Variants in RUSC2 observed in about 807,000 individuals in gnomAD.
The protein encoded by RUSC2 is AP-4 complex accessory subunit RUSC2.
Under a neutral mutation model 122.2 loss-of-function variants are expected in RUSC2, and 34 were observed. The observed-to-expected ratio is 0.28, with a 90% CI of 0.21 to 0.37. The LOEUF (loss-of-function observed/expected upper bound fraction) is 0.37. Among genes scored for constraint, RUSC2 ranks in the 10% least tolerant of loss-of-function variants. The probability of loss-of-function intolerance (pLI) is 1.00; values close to 1 mark genes in which losing one functional copy is unlikely to be tolerated. For missense variants in RUSC2, 1,747 were observed against 1,952.4 expected (o/e 0.89, Z 1.98); for synonymous variants, 784 against 790.0 (o/e 0.99, Z 0.13).
intron 1 of RUSC2, among the ~76,000 whole-genome samples, chr9:35,492,899 G>C (rs372898540): frequency 6.6e-6 from 1 of 152,122 alleles, no homozygotes; most frequent in South Asian, 2.1e-4. Context: ...ACTACTGGGG[G>C]TACCTCATAT....
At chr9:35,542,786 C>T (rs1028238410) in intron 1 of RUSC2, among the ~76,000 whole-genome samples, 3 of 152,206 alleles carry the variant, frequency 2.0e-5, no homozygotes, top group Admixed American at 6.5e-5. Context: ...CGTCATCTCC[C>T]ACGCTCATGT....
At position 35,560,349 on chromosome 9, in the gene RUSC2, G is replaced by T; in HGVS notation, c.3709G>T (p.Gly1237Cys). ...ERVKGVGASE[G>C]GEEEEEEEET... Reference sequence around the variant, plus strand: ...GGTGAAGGGTGTGGGTGCCTCAGAAGGTGGAGAAGAGGAAGAGGAAGAAGA... The same window carrying T: ...GGTGAAGGGTGTGGGTGCCTCAGAATGTGGAGAAGAGGAAGAGGAAGAAGA... The change falls in exon 10 of 12, where the codon GGT becomes TGT. Residue 1237 changes from glycine to cysteine, a missense_variant. Coordinates refer to ENST00000361226, the MANE Select transcript of RUSC2 (RefSeq NM_014806.5). 7 of 1,611,690 alleles carry T rather than the reference G, an allele frequency of 4.3e-6. No individual in the cohort carries two copies. Among genetic ancestry groups the T allele is most frequent in the Non-Finnish European group, 5.9e-6 (7 of 1,178,670 alleles).
chr9:35,537,794 C>G (rs1821558665), intron 1 of RUSC2, among the ~76,000 whole-genome samples: 1 of 152,144 alleles, frequency 6.6e-6, no homozygotes, highest in Non-Finnish European at 1.5e-5. Context: ...GGGAGGAACC[C>G]TAGGCAGGGC....
chr9:35,553,913 A>G (rs546138759), intron 2 of RUSC2, among the ~76,000 whole-genome samples: 2 of 152,338 alleles, frequency 1.3e-5, no homozygotes, highest in East Asian at 3.9e-4. Context: ...ATGTAGTACA[A>G]TGTGGTAAAA....
intron 1 of RUSC2, among the ~76,000 whole-genome samples, chr9:35,540,017 G>A (rs1190457154): frequency 6.6e-6 from 1 of 152,198 alleles, no homozygotes; most frequent in Non-Finnish European, 1.5e-5. Context: ...GATGACCAAA[G>A]CTAGAGGAAA....
Position 35,548,745 on chromosome 9 carries a change from G to A in RUSC2, c.2014+210G>A. The stretch of plus-strand genomic sequence containing the variant: ...GACAGAGGACTCAAAAATACACTGA[G>A]CAGACTGGGTGCAGTGACTCACACC... On this transcript the variant is annotated intron_variant, in intron 2 of 11. Transcript: ENST00000361226. This position sits in a 1 kb window ranked among gnomAD's most constrained non-coding sequence, Gnocchi z 4.5. 1.0e-6 allele frequency: 1 copy of A among 985,222 alleles called. No homozygotes were observed. Among genetic ancestry groups the A allele is most frequent in the African/African-American group, 1.7e-5 (1 of 57,324 alleles). The allele number at this position is 985,222 out of a possible 1,614,324, so 61.0% of individuals were successfully genotyped here. A position where few individuals can be genotyped will look rare whatever the true frequency, so the allele number is the denominator to read the frequency against.
At chr9:35,514,753 AG>A (rs1821072384) in intron 1 of RUSC2, among the ~76,000 whole-genome samples, 1 of 152,176 alleles carries the variant, frequency 6.6e-6, no homozygotes, top group African/African-American at 2.4e-5. Flanking sequence ...CACAGTCATT[AG>A]AGACCCACAC....
chr9:35,555,924 T>C lies in RUSC2; in HGVS notation c.2657-28T>C, dbSNP rs532900680. ...TCTCGCTGTCTCCTGCCAACTCTTG[T>C]CTTTCTGCTAATCTGTTCTGCTTCC... is the stretch of plus-strand genomic sequence containing the variant. On this transcript the variant is annotated intron_variant, in intron 3 of 11. Coordinates refer to ENST00000361226, the MANE Select transcript of RUSC2 (RefSeq NM_014806.5). The surrounding 1 kb of genome is among the most constrained non-coding windows in gnomAD (Gnocchi z 4.6). 7 of 1,603,808 alleles carry C rather than the reference T, an allele frequency of 4.4e-6. No homozygotes were observed. The African/African-American group carries it at 6.7e-5, about 15-fold the overall frequency.
At position 35,547,822 on chromosome 9, in the gene RUSC2, G is replaced by A. The variant is rs1040504634; in HGVS notation, c.1301G>A (p.Gly434Asp). The A allele has an allele frequency of 1.2e-5, 20 of 1,611,846 alleles. No homozygotes were observed. The highest frequency in any genetic ancestry group is 1.7e-5 in the Admixed American group (1 of 59,948). Residue 434 changes from glycine (G) to aspartate (D), a missense_variant, in exon 2 of 12, where the codon GGC becomes GAC. Coordinates refer to ENST00000361226, the MANE Select transcript of RUSC2 (RefSeq NM_014806.5). The surrounding 1 kb of genome is among the most constrained non-coding windows in gnomAD (Gnocchi z 4.6). ...AAGATAAGTCCCCCACCAGGCCCTG[G>A]CCCAGACCCAGGCCCCAGCCAGCCC... The part of the protein sequence containing the change: ...HTKISPPPGP[G>D]PDPGPSQPSE...
At position 35,536,540 on chromosome 9, in the gene RUSC2, C is replaced by T. The variant is rs751495048; in HGVS notation, c.-92-9890C>T. ...TAGAGTAGACAGCCAAGGCTGGGCA[C>T]GGTGGCTCACACCTGTAATCCCAGC... On this transcript the variant is annotated intron_variant, in intron 1 of 11. Transcript: ENST00000361226. 5.5e-4 allele frequency among the ~76,000 whole-genome samples: 83 copies of T among 152,096 alleles called. 1 individual carries two copies. The highest frequency in any genetic ancestry group is 3.7e-4 in the Non-Finnish European group (25 of 68,024).
chr9:35,547,008 C>A lies in RUSC2; in HGVS notation c.487C>A (p.Arg163Ser). 6.2e-7 allele frequency: 1 copy of A among 1,604,598 alleles called. No individual in the cohort carries two copies. Among genetic ancestry groups the A allele is most frequent in the South Asian group, 1.1e-5 (1 of 89,344 alleles). The change falls in exon 2 of 12, where the codon CGC (arginine) becomes AGC (serine). Residue 163 changes from arginine to serine, a missense_variant. Transcript: ENST00000361226. The surrounding 1 kb of genome is among the most constrained non-coding windows in gnomAD (Gnocchi z 4.6). The stretch of plus-strand genomic sequence containing the variant: ...AGTGGGCAGGCCATGGGGGACAACA[C>A]GCAGTCGGGCTGGAGTGGTGGAAGG... ...PRVGRPWGTT[R>S]SRAGVVEGQE...
chr9:35,527,548 C>A (rs1821347075), intron 1 of RUSC2, among the ~76,000 whole-genome samples: 1 of 152,152 alleles, frequency 6.6e-6, no homozygotes, highest in Admixed American at 6.5e-5. Flanking sequence ...TCTAATAATT[C>A]ATTGCCACTC....
chr9:35,500,011 T>C (rs1301120209), intron 1 of RUSC2, among the ~76,000 whole-genome samples: 1 of 152,230 alleles, frequency 6.6e-6, no homozygotes, highest in Non-Finnish European at 1.5e-5. Context: ...TTGGCTGTAT[T>C]CTATTTATTT....
chr9:35,561,476 A>T lies in RUSC2; in HGVS notation c.*94A>T. ...CAAGCCATTGGCTTGGCTGCAGAGT[A>T]GACTGAGAGCTGGGGCCACGTATCC... On this transcript the variant is annotated 3_prime_UTR_variant, in exon 12 of 12. Transcript: ENST00000361226. The T allele has an allele frequency of 9.3e-7, 1 of 1,075,528 alleles. No homozygotes were observed. 66.6% of individuals were successfully genotyped at this position (1,075,528 alleles called of 1,614,324 possible).
chr9:35,532,079 C>T (rs1587852502), intron 1 of RUSC2, among the ~76,000 whole-genome samples: 1 of 152,140 alleles, frequency 6.6e-6, no homozygotes, highest in South Asian at 2.1e-4. Flanking sequence ...AAGGAAGACT[C>T]AGCATGACTT....
At chr9:35,498,180 T>A (rs1455907560) in intron 1 of RUSC2, among the ~76,000 whole-genome samples, 2 of 151,976 alleles carry the variant, frequency 1.3e-5, no homozygotes, top group East Asian at 3.9e-4. Context: ...TCCCAATTTG[T>A]ATGCCTTTTA....
rs1822174565 is a variant in RUSC2 at position 35,561,462 on chromosome 9, C to T, written c.*80C>T. 1 of 1,247,410 alleles carries T rather than the reference C, an allele frequency of 8.0e-7. No homozygotes were observed. Among genetic ancestry groups the T allele is most frequent in the African/African-American group, 1.5e-5 (1 of 66,396 alleles). The allele number at this position is 1,247,410 out of a possible 1,614,324, so 77.3% of individuals were successfully genotyped here. On this transcript the variant is annotated 3_prime_UTR_variant, in exon 12 of 12. Coordinates refer to ENST00000361226, the MANE Select transcript of RUSC2 (RefSeq NM_014806.5). ...CCGAGAGCCCTTCCCAAGCCATTGGCTTGGCTGCAGAGTAGACTGAGAGCT... is the reference window on the plus strand; with the variant it reads ...CCGAGAGCCCTTCCCAAGCCATTGGTTTGGCTGCAGAGTAGACTGAGAGCT...
chr9:35,551,216 G>A (rs1331787921), intron 2 of RUSC2, among the ~76,000 whole-genome samples: 6 of 152,184 alleles, frequency 3.9e-5, no homozygotes, highest in African/African-American at 1.4e-4. Context: ...TAGTGAGAGT[G>A]GAAGCCAGAT....
chr9:35,527,029 C>T, intron 1 of RUSC2, among the ~76,000 whole-genome samples: 1 of 151,974 alleles, frequency 6.6e-6, no homozygotes, highest in East Asian at 1.9e-4. Context: ...CTTTTCTGTT[C>T]CTTTGTTTTT....
Sources: gnomAD v4.1 joint callset for allele counts (sites outside exome capture counted in the v4.1 genomes callset) on GRCh38, gnomAD v4.1.1 for gene constraint, Gnocchi (gnomAD v3.1) non-coding constraint, MANE v1.5 for transcripts, NCBI Gene and HGNC (gene_info 2026-07-23, HGNC 2026-07-21) for gene names.